SHANK2: variants seen among roughly 807,000 people sequenced by gnomAD.
The protein encoded by SHANK2 is SH3 and multiple ankyrin repeat domains 2.
Under a neutral mutation model 133.7 loss-of-function variants are expected in SHANK2, and 43 were observed. The observed-to-expected ratio is 0.32, with a 90% CI of 0.25 to 0.41. The LOEUF (loss-of-function observed/expected upper bound fraction) is 0.41, where lower values mean the gene tolerates loss of function less well. Ranked by LOEUF, SHANK2 falls within the 10% of genes least tolerant of loss-of-function variation. The pLI is 1.00. For synonymous variants in SHANK2, 1,017 were observed against 952.8 expected (o/e 1.07, Z -1.24); for missense variants, 1,994 against 2,235.8 (o/e 0.89, Z 2.18).
intron 11 of SHANK2, among the ~76,000 whole-genome samples, chr11:70,861,739 T>C (rs1006763418): frequency 2.6e-5 from 4 of 152,136 alleles, no homozygotes; most frequent in African/African-American, 4.8e-5. Flanking sequence ...GTTTGTGCCT[T>C]GAGACAATCC....
At chr11:71,242,846 T>C (rs78241792) in intron 1 of SHANK2, among the ~76,000 whole-genome samples, 2 of 152,358 alleles carry the variant, frequency 1.3e-5, no homozygotes, top group African/African-American at 2.4e-5. Context: ...AACAGCCTCA[T>C]TAAACATCAG....
intron 22 of SHANK2, 48 bp downstream of exon 22, chr11:70,492,287 G>A (rs1263046222): frequency 3.1e-6 from 5 of 1,601,734 alleles, no homozygotes; most frequent in Non-Finnish European, 4.2e-6. Context: ...CCCACTTCCT[G>A]GGCACCGTCG....
intron 11 of SHANK2, among the ~76,000 whole-genome samples, chr11:70,824,236 G>A (rs76898299): frequency 0.035 from 5,295 of 152,134 alleles, 274 homozygotes; most frequent in African/African-American, 0.11. Context: ...AGCCAAGCCT[G>A]GGGAGCCGCA....
intron 14 of SHANK2, among the ~76,000 whole-genome samples, chr11:70,725,727 A>G (rs782058420): frequency 2.1e-5 from 2 of 94,992 alleles, no homozygotes; most frequent in Non-Finnish European, 4.0e-5. Context: ...TCTTGTCAGC[A>G]CATTGTCGGT....
chr11:70,564,549 C>G (rs563156539), intron 17 of SHANK2, among the ~76,000 whole-genome samples: 1 of 152,222 alleles, frequency 6.6e-6, no homozygotes, highest in East Asian at 1.9e-4. Flanking sequence ...CATGAGCCAC[C>G]GCACCCAGCC....
At position 70,844,680 on chromosome 11, in the gene SHANK2, A is replaced by G. The variant is rs1590750286; in HGVS notation, c.1175-23998T>C. On this transcript the variant is annotated intron_variant, in intron 11 of 25. Coordinates refer to ENST00000601538, the MANE Select transcript of SHANK2 (RefSeq NM_012309.5). ...CCTCAGACAGGGATTATCTCAGTCC[A>G]GCTGAGATGCTTTTCGACTTTCCCC... 2.0e-5 allele frequency among the ~76,000 whole-genome samples: 3 copies of G among 152,358 alleles called. No individual in the cohort carries two copies. The Middle Eastern group carries it at 0.01, about 518-fold the overall frequency.
chr11:70,912,379 T>A (rs1950207938), intron 10 of SHANK2, among the ~76,000 whole-genome samples: 1 of 152,166 alleles, frequency 6.6e-6, no homozygotes, highest in Non-Finnish European at 1.5e-5. Flanking sequence ...CCAGAATTCC[T>A]ACATGTTGTG....
intron 2 of SHANK2, among the ~76,000 whole-genome samples, chr11:71,211,040 G>C (rs1954266776): frequency 6.6e-6 from 1 of 152,026 alleles, no homozygotes; most frequent in African/African-American, 2.4e-5. Context: ...TTTCAGGGGG[G>C]TCCCCCAGGG....
chr11:70,800,796 AGCAGTAACCCCGG>A (rs1555050346), intron 13 of SHANK2, among the ~76,000 whole-genome samples: 1 of 152,198 alleles, frequency 6.6e-6, no homozygotes, highest in Non-Finnish European at 1.5e-5. Flanking sequence ...GTCATCTCAG[AGCAGTAACCCCGG>A]GCTGCAAAGG....
At chr11:70,789,471 C>T (rs1354459904) in intron 14 of SHANK2, among the ~76,000 whole-genome samples, 1 of 152,168 alleles carries the variant, frequency 6.6e-6, no homozygotes, top group Non-Finnish European at 1.5e-5. Context: ...TAATCCCATC[C>T]TACACTCACA....
intron 15 of SHANK2, among the ~76,000 whole-genome samples, chr11:70,696,369 G>A (rs1467235081): frequency 1.3e-5 from 2 of 152,120 alleles, no homozygotes; most frequent in Admixed American, 1.3e-4. Context: ...CTCCTCTGTG[G>A]GGAGACTCAG....
intron 13 of SHANK2, among the ~76,000 whole-genome samples, chr11:70,802,823 T>G (rs1249099887): frequency 2.0e-5 from 3 of 152,152 alleles, no homozygotes; most frequent in African/African-American, 7.2e-5. Context: ...GGGCTTAGTT[T>G]TTTGCTTGCC....
chr11:70,489,986 C>G lies in SHANK2; in HGVS notation c.2551+290G>C. On this transcript the variant is annotated intron_variant, in intron 23 of 25. Transcript: ENST00000601538. ...GCTCGCACCACCCCGCCCACCCTCC[C>G]GCTTTACCCTGCTGGAATTATCACA... 12 of 203,306 alleles carry G rather than the reference C, an allele frequency of 5.9e-5. 3 individuals are homozygous for G. In the South Asian group the frequency reaches 8.2e-4, roughly 14 times the overall value. 12.6% of individuals were successfully genotyped at this position (203,306 alleles called of 1,614,324 possible).
chr11:70,821,752 G>A (rs1421280700), intron 11 of SHANK2, among the ~76,000 whole-genome samples: 1 of 152,136 alleles, frequency 6.6e-6, no homozygotes, highest in African/African-American at 2.4e-5. Flanking sequence ...ACCTGTCTGT[G>A]GCGCTCTGCC....
chr11:70,577,928 G>A (rs2060136756), intron 17 of SHANK2, among the ~76,000 whole-genome samples: 2 of 152,192 alleles, frequency 1.3e-5, no homozygotes, highest in Non-Finnish European at 2.9e-5. Flanking sequence ...ACACTGGTGG[G>A]GATGACCTGT....
At chr11:70,590,241 T>A (rs1021491985) in intron 17 of SHANK2, among the ~76,000 whole-genome samples, 1 of 152,160 alleles carries the variant, frequency 6.6e-6, no homozygotes, top group Non-Finnish European at 1.5e-5. Context: ...GAAACTTGAA[T>A]GGATGAGGAG....
intron 11 of SHANK2, among the ~76,000 whole-genome samples, chr11:70,855,469 C>A (rs1949154982): frequency 6.6e-6 from 1 of 152,238 alleles, no homozygotes; most frequent in African/African-American, 2.4e-5. Context: ...CAGGCAGGTC[C>A]CCCTTTAGCC....
At chr11:71,227,259 T>C (rs945553265) in intron 1 of SHANK2, among the ~76,000 whole-genome samples, 5 of 152,020 alleles carry the variant, frequency 3.3e-5, no homozygotes, top group African/African-American at 9.7e-5. Flanking sequence ...ATGGTCAAAA[T>C]ATACCAGTTA....
chr11:71,167,541 G>T (rs1292911858), intron 2 of SHANK2, among the ~76,000 whole-genome samples: 3 of 125,578 alleles, frequency 2.4e-5, no homozygotes, highest in South Asian at 2.9e-4. Context: ...CGGGCGGGGG[G>T]CTGACCCCCC....
Sources: allele counts gnomAD v4.1 joint callset (sites outside exome capture counted in the v4.1 genomes callset), GRCh38; gene constraint gnomAD v4.1.1; transcripts MANE v1.5; gene names NCBI Gene and HGNC (gene_info 2026-07-23, HGNC 2026-07-21).